The following DSCAM variants were observed in gnomAD, a reference collection of about 807,000 sequenced individuals.
DSCAM encodes cell adhesion molecule DSCAM.
DSCAM carries 47 observed loss-of-function variants against 217.7 expected under a neutral mutation model. That is an observed-to-expected ratio of 0.22 (90% CI 0.17 to 0.28). The LOEUF is 0.28. DSCAM is among the 10% of genes least tolerant of loss of function. The pLI is 1.00. For synonymous variants in DSCAM, 1,056 were observed against 1,015.3 expected (o/e 1.04, Z -0.76); for missense variants, 2,080 against 2,618.3 (o/e 0.79, Z 4.49).
intron 3 of DSCAM, among the ~76,000 whole-genome samples, chr21:40,636,255 C>T (rs75088224): frequency 0.029 from 4,337 of 151,632 alleles, 185 homozygotes; most frequent in African/African-American, 0.092. Context: ...GACATTTATG[C>T]GGAGCTCAAA....
chr21:40,199,814 T>C (rs998866581), intron 11 of DSCAM, among the ~76,000 whole-genome samples: 1 of 152,014 alleles, frequency 6.6e-6, no homozygotes, highest in African/African-American at 2.4e-5. Context: ...AGGACAAATA[T>C]CTAATGCATG....
At chr21:40,436,297 T>C (rs1355974187) in intron 3 of DSCAM, among the ~76,000 whole-genome samples, 2 of 152,224 alleles carry the variant, frequency 1.3e-5, no homozygotes, top group African/African-American at 2.4e-5. Flanking sequence ...AAGATTAATA[T>C]GGAAAAATTT....
chr21:40,513,227 A>G (rs1275190129), intron 3 of DSCAM: 1 of 152,242 alleles, frequency 6.6e-6, no homozygotes, highest in Non-Finnish European at 1.5e-5. Flanking sequence ...TACCCCGTAC[A>G]TACTTCAGCC....
intron 3 of DSCAM, among the ~76,000 whole-genome samples, chr21:40,500,374 C>A (rs1013255958): frequency 2.6e-5 from 4 of 152,094 alleles, no homozygotes; most frequent in African/African-American, 9.7e-5. Flanking sequence ...TGTCTTTCAA[C>A]TGATTAAGAC....
At chr21:40,438,096 G>C (rs2075599576) in intron 3 of DSCAM, among the ~76,000 whole-genome samples, 1 of 152,184 alleles carries the variant, frequency 6.6e-6, no homozygotes, top group Non-Finnish European at 1.5e-5. Context: ...CCAGGACCAG[G>C]AGTCTGGGGA....
chr21:40,703,335 G>A (rs1219751708), intron 2 of DSCAM, among the ~76,000 whole-genome samples: 1 of 152,096 alleles, frequency 6.6e-6, no homozygotes, highest in Non-Finnish European at 1.5e-5. Flanking sequence ...GGGCAACATA[G>A]CGAGATTCCA....
intron 3 of DSCAM, among the ~76,000 whole-genome samples, chr21:40,644,119 G>C (rs1252535479): frequency 6.6e-6 from 1 of 152,182 alleles, no homozygotes. Context: ...TCAGAACTCC[G>C]CCTAGAGAAA....
chr21:40,368,975 T>C (rs1226456477), intron 4 of DSCAM, 124 bp downstream of exon 4: 1 of 1,118,732 alleles, frequency 8.9e-7, no homozygotes, highest in Admixed American at 3.2e-5. Flanking sequence ...ATTCCTAAAA[T>C]ATTTTGGAAA....
At chr21:40,262,673 G>A (rs775010478) in intron 11 of DSCAM, among the ~76,000 whole-genome samples, 1 of 152,126 alleles carries the variant, frequency 6.6e-6, no homozygotes, top group Non-Finnish European at 1.5e-5. Flanking sequence ...CATGTTGTAT[G>A]CTTTAGCTCA....
chr21:40,768,543 A>T (rs1416677550), intron 1 of DSCAM, among the ~76,000 whole-genome samples: 1 of 152,192 alleles, frequency 6.6e-6, no homozygotes, highest in East Asian at 1.9e-4. Context: ...AAGATTAGAG[A>T]TGGCTAATAT....
intron 15 of DSCAM, among the ~76,000 whole-genome samples, chr21:40,176,839 C>A (rs1375173590): frequency 6.6e-6 from 1 of 152,236 alleles, no homozygotes; most frequent in Non-Finnish European, 1.5e-5. Flanking sequence ...TGCAGACCAG[C>A]ACCCCAGAGG....
At chr21:40,241,681 A>G (rs1025178152) in intron 11 of DSCAM, among the ~76,000 whole-genome samples, 4 of 152,234 alleles carry the variant, frequency 2.6e-5, no homozygotes, top group Non-Finnish European at 2.9e-5. Flanking sequence ...ATTCTACCAT[A>G]AAGACACATG....
chr21:40,360,673 C>A (rs1054390051), intron 4 of DSCAM, among the ~76,000 whole-genome samples: 2 of 152,060 alleles, frequency 1.3e-5, no homozygotes, highest in Non-Finnish European at 2.9e-5. Context: ...TCCAGTATAC[C>A]ATGGTGTATA....
chr21:40,546,165 G>A (rs2076580708), intron 3 of DSCAM, among the ~76,000 whole-genome samples: 1 of 152,244 alleles, frequency 6.6e-6, no homozygotes, highest in African/African-American at 2.4e-5. Context: ...GAGGGTTAAG[G>A]TGTAGAGAAG....
chr21:40,300,964 G>A (rs1190716282), intron 9 of DSCAM, among the ~76,000 whole-genome samples: 1 of 152,176 alleles, frequency 6.6e-6, no homozygotes, highest in African/African-American at 2.4e-5. Flanking sequence ...GTTGCCCATA[G>A]CAGCAACCAG....
intron 3 of DSCAM, among the ~76,000 whole-genome samples, chr21:40,421,580 T>C (rs1195189015): frequency 1.3e-5 from 2 of 152,208 alleles, no homozygotes; most frequent in Non-Finnish European, 2.9e-5. Context: ...GAGGTGTATG[T>C]TGAAAAATAA....
chr21:40,719,243 T>C (rs2090876267), intron 1 of DSCAM, among the ~76,000 whole-genome samples: 1 of 151,980 alleles, frequency 6.6e-6, no homozygotes. Flanking sequence ...AAAAAGTAAA[T>C]TAAAAGTACA....
At chr21:40,536,649 G>T (rs138660157) in intron 3 of DSCAM, among the ~76,000 whole-genome samples, 1 of 152,024 alleles carries the variant, frequency 6.6e-6, no homozygotes, top group Admixed American at 6.6e-5. Context: ...CTCGTGATCC[G>T]CCCGCCTTGG....
At chr21:40,773,532 C>T (rs1200054474) in intron 1 of DSCAM, among the ~76,000 whole-genome samples, 3 of 152,204 alleles carry the variant, frequency 2.0e-5, no homozygotes, top group Non-Finnish European at 4.4e-5. Context: ...ATTACATCTG[C>T]AAATACTCTA....
Sources: allele counts gnomAD v4.1 joint callset (sites outside exome capture counted in the v4.1 genomes callset), GRCh38; gene constraint gnomAD v4.1.1; transcripts MANE v1.5; gene names NCBI Gene and HGNC (gene_info 2026-07-23, HGNC 2026-07-21).